QTMAN: variants seen among roughly 807,000 people sequenced by gnomAD.
QTMAN encodes the protein tRNA-queuosine alpha-mannosyltransferase.
chr2:144,053,675 C>T, the QTMAN span, among the ~76,000 whole-genome samples: 1 of 152,218 alleles, frequency 6.6e-6, no homozygotes, highest in East Asian at 1.9e-4. Flanking sequence ...GACTTGAAAC[C>T]AGAGTTTCTG....
At chr2:144,216,350 T>C in the QTMAN span, among the ~76,000 whole-genome samples, 1 of 152,170 alleles carries the variant, frequency 6.6e-6, no homozygotes, top group Non-Finnish European at 1.5e-5. Flanking sequence ...GCTATGCTAT[T>C]ATTTTCCTGA....
chr2:144,307,159 TAAAAAAAAAAAAA>T, the QTMAN span, among the ~76,000 whole-genome samples: 2 of 40,466 alleles, frequency 4.9e-5, no homozygotes, highest in African/African-American at 2.6e-4. Flanking sequence ...GACTCCGTCT[TAAAAAAAAAAAAA>T]AAAAAAAAAA....
the QTMAN span, among the ~76,000 whole-genome samples, chr2:144,189,089 T>C: frequency 1.3e-5 from 2 of 152,188 alleles, no homozygotes; most frequent in African/African-American, 2.4e-5. Flanking sequence ...CTGTACACTT[T>C]AGACAATATT....
At chr2:144,137,126 C>T in the QTMAN span, among the ~76,000 whole-genome samples, 1 of 152,184 alleles carries the variant, frequency 6.6e-6, no homozygotes, top group Non-Finnish European at 1.5e-5. Context: ...GGGAACACAG[C>T]TCATGCACAT....
At chr2:144,208,830 T>A in the QTMAN span, 1 of 1,371,230 alleles carries the variant, frequency 7.3e-7, no homozygotes, top group Non-Finnish European at 9.9e-7. Context: ...AAAATGTATA[T>A]TTTTTCCATT....
chr2:144,118,789 G>A, the QTMAN span, among the ~76,000 whole-genome samples: 1 of 152,212 alleles, frequency 6.6e-6, no homozygotes, highest in Non-Finnish European at 1.5e-5. Context: ...GCTGAGGCAG[G>A]AGAATGGTGT....
At chr2:143,992,211 A>T in the QTMAN span, among the ~76,000 whole-genome samples, 1 of 149,962 alleles carries the variant, frequency 6.7e-6, no homozygotes, top group African/African-American at 2.5e-5. Context: ...CTGCCTGGGG[A>T]TCCTGTTGAT....
the QTMAN span, among the ~76,000 whole-genome samples, chr2:144,198,925 C>A: frequency 6.6e-6 from 1 of 152,072 alleles, no homozygotes; most frequent in Admixed American, 6.6e-5. Flanking sequence ...AACTTTTGTT[C>A]ACAATACTTC....
chr2:144,181,862 C>G, the QTMAN span, among the ~76,000 whole-genome samples: 1 of 152,006 alleles, frequency 6.6e-6, no homozygotes, highest in African/African-American at 2.4e-5. Context: ...ACAGTTATGA[C>G]ATTACATTAT....
chr2:144,093,289 T>C, the QTMAN span, among the ~76,000 whole-genome samples: 12 of 152,360 alleles, frequency 7.9e-5, no homozygotes, highest in East Asian at 2.1e-3. Context: ...TACCCACAAA[T>C]ACTCTTGACA....
chr2:144,183,010 A>G, the QTMAN span, among the ~76,000 whole-genome samples: 1 of 146,312 alleles, frequency 6.8e-6, no homozygotes, highest in Admixed American at 7.1e-5. Flanking sequence ...AGATTTCTAT[A>G]GAAGGTTTTC....
the QTMAN span, among the ~76,000 whole-genome samples, chr2:144,249,544 G>A: frequency 6.6e-6 from 1 of 152,178 alleles, no homozygotes; most frequent in African/African-American, 2.4e-5. Flanking sequence ...ACTGTCTACT[G>A]AGTGACAATT....
chr2:143,996,458 T>C, the QTMAN span, among the ~76,000 whole-genome samples: 1 of 152,146 alleles, frequency 6.6e-6, no homozygotes, highest in Non-Finnish European at 1.5e-5. Context: ...GTTTCTTCCA[T>C]ATCTCCTCAT....
At chr2:144,332,643 C>T in the QTMAN span, 6 of 151,372 alleles carry the variant, frequency 4.0e-5, no homozygotes, top group African/African-American at 1.2e-4. Context: ...CTCTCTGCGC[C>T]GCCCGGACTC....
At chr2:144,214,831 G>T in the QTMAN span, among the ~76,000 whole-genome samples, 3 of 152,116 alleles carry the variant, frequency 2.0e-5, no homozygotes, top group Admixed American at 1.3e-4. Flanking sequence ...GAATTGCAAT[G>T]ATCTTTTAAA....
chr2:143,974,807 TA>T, the QTMAN span, among the ~76,000 whole-genome samples: 1 of 152,220 alleles, frequency 6.6e-6, no homozygotes, highest in South Asian at 2.1e-4. Context: ...TATTCTACCA[TA>T]AAATTACTAG....
chr2:143,988,526 G>A, the QTMAN span, among the ~76,000 whole-genome samples: 1 of 152,242 alleles, frequency 6.6e-6, no homozygotes, highest in African/African-American at 2.4e-5. Context: ...GCTCTGATAT[G>A]AATCAGGAAC....
the QTMAN span, among the ~76,000 whole-genome samples, chr2:144,263,011 G>C: frequency 7.5e-6 from 1 of 132,604 alleles, no homozygotes. Context: ...GGACAGAGGA[G>C]GGGAGGGGAG....
At chr2:144,331,564 C>T in the QTMAN span, among the ~76,000 whole-genome samples, 1 of 152,044 alleles carries the variant, frequency 6.6e-6, no homozygotes, top group African/African-American at 2.4e-5. Context: ...ACTCCCATCA[C>T]ACGGCCTCAA....
Sources: allele counts gnomAD v4.1 joint callset (sites outside exome capture counted in the v4.1 genomes callset), GRCh38; gene constraint gnomAD v4.1.1; transcripts MANE v1.5; gene names NCBI Gene and HGNC (gene_info 2026-07-23, HGNC 2026-07-21).